Variants in SGCZ observed in about 807,000 individuals in gnomAD.
SGCZ encodes the protein zeta-sarcoglycan.
A neutral mutation model predicts 41.3 loss-of-function variants in SGCZ; 40 were observed. That is an observed-to-expected ratio of 0.97 (90% CI 0.75 to 1.26). The LOEUF (loss-of-function observed/expected upper bound fraction) is 1.26. Ranked by LOEUF, SGCZ falls within the 50% of genes most tolerant of loss-of-function variation. The pLI, the probability that SGCZ is intolerant of heterozygous loss-of-function variation, is 0.00. For synonymous variants in SGCZ, 206 were observed against 137.5 expected, an observed-to-expected ratio of 1.50 and a Z score of -3.49; for missense variants, 552 against 369.8, an observed-to-expected ratio of 1.49 and a Z score of -4.04.
intron 1 of SGCZ, among the ~76,000 whole-genome samples, chr8:14,565,140 C>T (rs983770095): frequency 2.6e-5 from 4 of 152,106 alleles, no homozygotes; most frequent in Admixed American, 2.6e-4. Flanking sequence ...TGAATAGGCA[C>T]TAAAAGGGAA....
At position 15,164,143 on chromosome 8, in the gene SGCZ, A is replaced by G. The variant is rs543074691; in HGVS notation, c.39+73442T>C. ...TCAGCAAGCCTGAATTTTCATGGCC[A>G]TGGGACAAAGAACCGTGTCTTCAGC... On this transcript the variant is annotated intron_variant, in intron 1 of 7. Coordinates refer to ENST00000382080, the MANE Select transcript of SGCZ (RefSeq NM_139167.4). Among the ~76,000 whole-genome samples the G allele has an allele frequency of 3.9e-5, 6 of 152,314 alleles. No individual in the cohort carries two copies. The South Asian group carries it at 1.0e-3, about 26-fold the overall frequency.
Position 15,192,826 on chromosome 8 carries a change from A to G in SGCZ, c.39+44759T>C, listed in dbSNP as rs549960230. 1.2e-4 allele frequency among the ~76,000 whole-genome samples: 19 copies of G among 152,146 alleles called. No homozygotes were observed. The South Asian group carries it at 3.9e-3, about 32-fold the overall frequency. ...GAGTTGTGCATTCTTGTGGTTTCTCACTCCAAGAAAACAAAAGCAGCCTAA... is the reference window on the plus strand; with the variant it reads ...GAGTTGTGCATTCTTGTGGTTTCTCGCTCCAAGAAAACAAAAGCAGCCTAA... On this transcript the variant is annotated intron_variant, in intron 1 of 7. Transcript: ENST00000382080.
At chr8:15,026,554 G>A (rs940072652) in intron 1 of SGCZ, among the ~76,000 whole-genome samples, 4 of 152,116 alleles carry the variant, frequency 2.6e-5, no homozygotes, top group South Asian at 4.1e-4. Flanking sequence ...TATTGTCAAC[G>A]CTGTAATCCC....
chr8:14,828,217 T>A (rs1802405219), intron 1 of SGCZ, among the ~76,000 whole-genome samples: 1 of 152,180 alleles, frequency 6.6e-6, no homozygotes, highest in Non-Finnish European at 1.5e-5. Context: ...ATGACCAGTT[T>A]ACAAGTAGAA....
At chr8:14,248,382 G>A (rs535557455) in intron 3 of SGCZ, among the ~76,000 whole-genome samples, 2 of 152,178 alleles carry the variant, frequency 1.3e-5, no homozygotes, top group South Asian at 2.1e-4. Flanking sequence ...GATAATGTGC[G>A]TGTGTAGAGA....
chr8:14,374,692 G>C (rs1041798873), intron 2 of SGCZ, among the ~76,000 whole-genome samples: 2 of 152,144 alleles, frequency 1.3e-5, no homozygotes, highest in African/African-American at 2.4e-5. Context: ...TCATTGGCTT[G>C]GGAGTAGAGG....
At chr8:14,104,450 A>G (rs181627470) in intron 6 of SGCZ, among the ~76,000 whole-genome samples, 20 of 152,262 alleles carry the variant, frequency 1.3e-4, no homozygotes, top group Non-Finnish European at 2.5e-4. Flanking sequence ...TCTGTGGCCT[A>G]AATCTCTAGA....
At chr8:15,059,108 A>T (rs1295166646) in intron 1 of SGCZ, among the ~76,000 whole-genome samples, 1 of 152,138 alleles carries the variant, frequency 6.6e-6, no homozygotes, top group African/African-American at 2.4e-5. Flanking sequence ...AGTTGTTACG[A>T]TATGTTTCCT....
At chr8:14,374,532 T>C (rs4512382) in intron 2 of SGCZ, among the ~76,000 whole-genome samples, 7,316 of 152,082 alleles carry the variant, frequency 0.048, 260 homozygotes, top group Admixed American at 0.12. Flanking sequence ...AAGAAGATGT[T>C]AGGTGAATAA....
chr8:14,630,196 G>T (rs1395423594), intron 1 of SGCZ, among the ~76,000 whole-genome samples: 1 of 151,712 alleles, frequency 6.6e-6, no homozygotes, highest in Non-Finnish European at 1.5e-5. Flanking sequence ...CCTCATGTGG[G>T]CATACAAATT....
intron 1 of SGCZ, among the ~76,000 whole-genome samples, chr8:14,998,276 G>A (rs994502185): frequency 9.2e-5 from 14 of 152,194 alleles, no homozygotes; most frequent in African/African-American, 2.9e-4. Context: ...TAACAGGCCT[G>A]TTGAACCCAG....
chr8:14,478,976 G>A (rs1801443021), intron 2 of SGCZ, among the ~76,000 whole-genome samples: 1 of 152,094 alleles, frequency 6.6e-6, no homozygotes, highest in Non-Finnish European at 1.5e-5. Flanking sequence ...TGCTTCTAAT[G>A]CCCACCCCTC....
chr8:15,040,395 A>G (rs1412158645), intron 1 of SGCZ, among the ~76,000 whole-genome samples: 1 of 152,126 alleles, frequency 6.6e-6, no homozygotes, highest in Non-Finnish European at 1.5e-5. Context: ...CGGACGGATC[A>G]CCTGAGGTAG....
chr8:14,733,801 T>G lies in SGCZ; in HGVS notation c.40-178875A>C, dbSNP rs534800583. On this transcript the variant is annotated intron_variant, in intron 1 of 7. Transcript: ENST00000382080. ...GACCTCAGGGTTAATTTTAACTCAG[T>G]TGTAAAAGGTTGCTACAAAATAGAA... Among the ~76,000 whole-genome samples the G allele has an allele frequency of 2.6e-5, 4 of 152,304 alleles. No homozygotes were observed. In the East Asian group the frequency reaches 7.7e-4, roughly 29 times the overall value.
intron 1 of SGCZ, among the ~76,000 whole-genome samples, chr8:14,809,632 G>T (rs1021289327): frequency 4.6e-5 from 7 of 152,040 alleles, no homozygotes; most frequent in Non-Finnish European, 7.4e-5. Context: ...ACCCTCAATT[G>T]TCTATAGCTT....
At chr8:15,160,955 T>C (rs543164778) in intron 1 of SGCZ, among the ~76,000 whole-genome samples, 4 of 151,862 alleles carry the variant, frequency 2.6e-5, no homozygotes, top group Non-Finnish European at 4.4e-5. Context: ...TGGTGTGCAG[T>C]GGTGTGAGCT....
intron 2 of SGCZ, among the ~76,000 whole-genome samples, chr8:14,512,623 CTA>C (rs1214330957): frequency 7.2e-4 from 8 of 11,088 alleles, no homozygotes; most frequent in Non-Finnish European, 1.8e-3. Context: ...TTACACCTGG[CTA>C]TTTTTTTTTT....
chr8:14,871,319 C>T (rs1385450780), intron 1 of SGCZ, among the ~76,000 whole-genome samples: 1 of 152,106 alleles, frequency 6.6e-6, no homozygotes, highest in African/African-American at 2.4e-5. Context: ...CTGTGAAAGA[C>T]AGTTTTGTGA....
intron 1 of SGCZ, among the ~76,000 whole-genome samples, chr8:14,669,316 C>G (rs112112857): frequency 1.5e-3 from 229 of 151,062 alleles, no homozygotes; most frequent in African/African-American, 5.3e-3. Context: ...CCAAGACATG[C>G]CACTGCACTC....
Sources: allele counts gnomAD v4.1 joint callset (sites outside exome capture counted in the v4.1 genomes callset), GRCh38; gene constraint gnomAD v4.1.1; transcripts MANE v1.5; gene names NCBI Gene and HGNC (gene_info 2026-07-23, HGNC 2026-07-21).